The following QTGAL variants were observed in gnomAD, a reference collection of about 807,000 sequenced individuals.
The protein encoded by QTGAL is BGnT-like protein 1.
At chr17:83,027,445 G>A in the QTGAL span, among the ~76,000 whole-genome samples, 9 of 152,116 alleles carry the variant, frequency 5.9e-5, no homozygotes, top group Non-Finnish European at 1.3e-4. Context: ...CTTCTCCTTC[G>A]GGGTGAGCAA....
chr17:83,039,562 G>A, the QTGAL span, among the ~76,000 whole-genome samples: 4,755 of 113,954 alleles, frequency 0.042, 627 homozygotes, highest in African/African-American at 0.094. Context: ...CCCGCCGCCC[G>A]AACCTGTTCT....
the QTGAL span, among the ~76,000 whole-genome samples, chr17:82,959,258 G>A: frequency 2.9e-4 from 44 of 152,096 alleles, no homozygotes; most frequent in Admixed American, 1.0e-3. Flanking sequence ...ATGTGTACAC[G>A]TGTGTGCAGT....
the QTGAL span, among the ~76,000 whole-genome samples, chr17:82,967,594 A>G: frequency 7.9e-5 from 12 of 152,054 alleles, no homozygotes; most frequent in Admixed American, 5.9e-4. Context: ...GAGACAGAGA[A>G]ATAAAATTCG....
the QTGAL span, chr17:82,950,016 G>A: frequency 6.6e-6 from 1 of 152,162 alleles, no homozygotes; most frequent in Non-Finnish European, 1.5e-5. Context: ...AAATTTCCCT[G>A]AATAGAAAAG....
chr17:83,034,468 T>G, the QTGAL span, among the ~76,000 whole-genome samples: 1 of 152,382 alleles, frequency 6.6e-6, no homozygotes, highest in South Asian at 2.1e-4. Context: ...GTCTAATAAC[T>G]ATTTGATAAG....
the QTGAL span, chr17:82,949,913 G>A: frequency 1.3e-5 from 2 of 152,340 alleles, 1 homozygote. Context: ...ATTTGGAGGT[G>A]TGGAGGACAC....
chr17:82,953,936 A>G, the QTGAL span, among the ~76,000 whole-genome samples: 1 of 152,248 alleles, frequency 6.6e-6, no homozygotes, highest in Non-Finnish European at 1.5e-5. Flanking sequence ...AAGGCCTTCA[A>G]TAAAATTCAA....
chr17:82,944,701 G>C, the QTGAL span: 4 of 152,178 alleles, frequency 2.6e-5, no homozygotes, highest in African/African-American at 9.7e-5. Context: ...TGTGGGATTT[G>C]TGTACCCACA....
the QTGAL span, among the ~76,000 whole-genome samples, chr17:83,025,010 A>C: frequency 6.6e-6 from 1 of 152,246 alleles, no homozygotes; most frequent in Non-Finnish European, 1.5e-5. Context: ...GTCAAAGGGC[A>C]TGGAAGCCAG....
chr17:82,954,348 T>C, the QTGAL span, among the ~76,000 whole-genome samples: 45 of 152,010 alleles, frequency 3.0e-4, no homozygotes, highest in East Asian at 8.7e-3. Context: ...TATACACCAA[T>C]AATAGACAAG....
chr17:82,958,398 G>C, the QTGAL span, among the ~76,000 whole-genome samples: 1 of 152,220 alleles, frequency 6.6e-6, no homozygotes, highest in Non-Finnish European at 1.5e-5. Context: ...TCTCCTCCGG[G>C]GTGGGGTCTG....
the QTGAL span, chr17:83,004,977 A>G: frequency 2.7e-5 from 17 of 638,702 alleles, 1 homozygote; most frequent in South Asian, 3.9e-4. Context: ...TGTGCGATTG[A>G]TGGCATGTGA....
the QTGAL span, among the ~76,000 whole-genome samples, chr17:83,009,149 C>T: frequency 6.6e-6 from 1 of 151,852 alleles, no homozygotes; most frequent in South Asian, 2.1e-4. Flanking sequence ...CAGGGCTGGG[C>T]GCAGTGGCTC....
chr17:83,016,927 C>T, the QTGAL span, among the ~76,000 whole-genome samples: 1 of 152,222 alleles, frequency 6.6e-6, no homozygotes, highest in East Asian at 1.9e-4. Flanking sequence ...CTCAAACCTT[C>T]CGACCCCTGG....
the QTGAL span, among the ~76,000 whole-genome samples, chr17:82,997,573 T>A: frequency 0.012 from 1,845 of 152,188 alleles, 43 homozygotes; most frequent in African/African-American, 0.042. Flanking sequence ...TATCAAAGAG[T>A]TGCCTGCACT....
chr17:82,965,891 A>G, the QTGAL span: 1 of 836,580 alleles, frequency 1.2e-6, no homozygotes, highest in Non-Finnish European at 1.9e-6. Context: ...AAGAGACTTC[A>G]CCACGGGGCC....
chr17:83,036,283 G>C, the QTGAL span, among the ~76,000 whole-genome samples: 1 of 152,232 alleles, frequency 6.6e-6, no homozygotes, highest in Non-Finnish European at 1.5e-5. Flanking sequence ...CTGCTGGGTG[G>C]GGGCCCTGGC....
the QTGAL span, among the ~76,000 whole-genome samples, chr17:82,961,698 C>G: frequency 1.3e-5 from 2 of 152,356 alleles, no homozygotes; most frequent in Non-Finnish European, 2.9e-5. Context: ...CCTGTGCCAG[C>G]CCTGCTCACT....
At chr17:83,045,276 A>C in the QTGAL span, among the ~76,000 whole-genome samples, 1 of 152,276 alleles carries the variant, frequency 6.6e-6, no homozygotes, top group Non-Finnish European at 1.5e-5. Context: ...CCAGGAATGA[A>C]TCCATACGTT....
Sources: allele counts gnomAD v4.1 joint callset (sites outside exome capture counted in the v4.1 genomes callset), GRCh38; gene constraint gnomAD v4.1.1; transcripts MANE v1.5; gene names NCBI Gene and HGNC (gene_info 2026-07-23, HGNC 2026-07-21).